PCAT7: variants seen among roughly 807,000 people sequenced by gnomAD.
PCAT7 encodes prostate cancer associated transcript 7, also known as prostate cancer associated transcript 7 (non-protein coding).
intron 1 of PCAT7, among the ~76,000 whole-genome samples, chr9:94,558,355 C>T (rs979356176): frequency 2.6e-5 from 4 of 152,148 alleles, no homozygotes; most frequent in Non-Finnish European, 5.9e-5. Flanking sequence ...AGTGCAATGG[C>T]GCGATCTCGG....
chr9:94,555,372 A>C (rs1463339156), intron 1 of PCAT7: 1 of 151,744 alleles, frequency 6.6e-6, no homozygotes, highest in African/African-American at 2.4e-5. Context: ...GTTAGTGCCA[A>C]AGGGAAAAAA....
At chr9:94,560,333 G>A (rs1247574004) in intron 2 of PCAT7, among the ~76,000 whole-genome samples, 3 of 152,186 alleles carry the variant, frequency 2.0e-5, no homozygotes, top group Admixed American at 6.5e-5. Context: ...CTGTGAGTAC[G>A]CAGTGAATTG....
intron 2 of PCAT7, among the ~76,000 whole-genome samples, chr9:94,564,292 C>T (rs898492047): frequency 1.4e-4 from 21 of 152,300 alleles, no homozygotes; most frequent in Admixed American, 1.1e-3. Context: ...TCTCCAACCA[C>T]GGCCATCTCA....
intron 2 of PCAT7, among the ~76,000 whole-genome samples, chr9:94,566,148 C>A (rs574661793): frequency 6.6e-6 from 1 of 152,206 alleles, no homozygotes; most frequent in African/African-American, 2.4e-5. Flanking sequence ...CTTTTGACTT[C>A]TTTTTGTTTC....
intron 2 of PCAT7, chr9:94,570,832 C>T (rs957358672): frequency 5.3e-5 from 8 of 152,218 alleles, no homozygotes; most frequent in African/African-American, 1.9e-4. Context: ...GTGAACTCCA[C>T]AAGGGCTGTC....
At chr9:94,563,570 ATCC>A (rs1827141831) in intron 2 of PCAT7, 1 of 1,195,190 alleles carries the variant, frequency 8.4e-7, no homozygotes, top group Admixed American at 2.1e-5. Context: ...TTGAATCCCT[ATCC>A]TCCACCCACT....
At chr9:94,560,644 C>G (rs1371447430) in intron 2 of PCAT7, among the ~76,000 whole-genome samples, 2 of 150,944 alleles carry the variant, frequency 1.3e-5, no homozygotes, top group Admixed American at 1.3e-4. Context: ...TATGTTTAAA[C>G]TACTTTGAGA....
intron 1 of PCAT7, among the ~76,000 whole-genome samples, chr9:94,558,014 A>C (rs978895479): frequency 5.8e-4 from 88 of 152,198 alleles, no homozygotes; most frequent in African/African-American, 2.1e-3. Context: ...AGGTTTAGAA[A>C]AGTAGTTAAT....
intron 2 of PCAT7, chr9:94,559,155 G>A: frequency 1.3e-6 from 2 of 1,599,292 alleles, no homozygotes; most frequent in Non-Finnish European, 1.7e-6. Context: ...AGAGGCAGGT[G>A]AGTAAACTCT....
At chr9:94,563,362 G>A (rs768617480) in intron 2 of PCAT7, 1 of 1,614,086 alleles carries the variant, frequency 6.2e-7, no homozygotes, top group Admixed American at 1.7e-5. Context: ...GGGCTCTTCT[G>A]GTTGGCTGGG....
At chr9:94,562,677 T>C (rs2131441731) in intron 2 of PCAT7, among the ~76,000 whole-genome samples, 1 of 152,312 alleles carries the variant, frequency 6.6e-6, no homozygotes, top group South Asian at 2.1e-4. Context: ...ACGATTTCTG[T>C]GATTGGCTAA....
At chr9:94,574,380 CT>C (rs1381844491) in intron 3 of PCAT7, among the ~76,000 whole-genome samples, 1 of 152,108 alleles carries the variant, frequency 6.6e-6, no homozygotes. Flanking sequence ...AAAATGACAT[CT>C]CTTTTGTTTT....
intron 2 of PCAT7, chr9:94,563,537 C>A: frequency 6.5e-7 from 1 of 1,546,070 alleles, no homozygotes; most frequent in Non-Finnish European, 8.8e-7. Flanking sequence ...GTCACAAGTC[C>A]AGTTGGTGTG....
intron 1 of PCAT7, chr9:94,558,820 T>G: frequency 3.2e-6 from 3 of 923,448 alleles, no homozygotes; most frequent in Non-Finnish European, 5.1e-6. Flanking sequence ...CTCTTCTGTA[T>G]GTGATTAAGT....
intron 2 of PCAT7, among the ~76,000 whole-genome samples, chr9:94,562,487 C>T (rs1171807712): frequency 6.6e-6 from 1 of 152,048 alleles, no homozygotes; most frequent in Non-Finnish European, 1.5e-5. Context: ...ACACCTGATA[C>T]ACCAACCTAT....
chr9:94,556,895 A>G (rs556555952), intron 1 of PCAT7, among the ~76,000 whole-genome samples: 2 of 152,166 alleles, frequency 1.3e-5, no homozygotes, highest in Non-Finnish European at 2.9e-5. Flanking sequence ...ATTCTTGTAC[A>G]TGTGGGTGTT....
At chr9:94,559,034 G>A (rs972780242) in exon 2 of PCAT7, 8 of 1,613,916 alleles carry the variant, frequency 5.0e-6, no homozygotes, top group East Asian at 2.2e-5. Context: ...GAATTGCCTC[G>A]GGCTTCACGT....
At chr9:94,571,452 C>T (rs746673929) in intron 2 of PCAT7, 1 of 1,605,714 alleles carries the variant, frequency 6.2e-7, no homozygotes, top group South Asian at 1.1e-5. Context: ...ATGCCATATT[C>T]TGTACCTACC....
At chr9:94,562,998 T>TA (rs1253092805) in intron 2 of PCAT7, among the ~76,000 whole-genome samples, 1 of 152,210 alleles carries the variant, frequency 6.6e-6, no homozygotes, top group African/African-American at 2.4e-5. Flanking sequence ...AGGCTCCCTA[T>TA]AGGGACCATC....
Sources: allele counts gnomAD v4.1 joint callset (sites outside exome capture counted in the v4.1 genomes callset), GRCh38; gene constraint gnomAD v4.1.1; transcripts MANE v1.5; gene names NCBI Gene and HGNC (gene_info 2026-07-23, HGNC 2026-07-21).